UNC79: variants seen among roughly 807,000 people sequenced by gnomAD.
The protein encoded by UNC79 is protein unc-79 homolog.
A neutral mutation model predicts 283.1 loss-of-function variants in UNC79; 37 were observed. The observed-to-expected ratio is 0.13, with a 90% CI of 0.10 to 0.17. UNC79 has a LOEUF of 0.17. Among genes scored for constraint, UNC79 ranks in the 10% least tolerant of loss-of-function variants. The pLI, the probability that UNC79 is intolerant of heterozygous loss-of-function variation, is 1.00. For synonymous variants in UNC79, 1,107 were observed against 1,200.2 expected (o/e 0.92, Z 1.61); for missense variants, 2,272 against 3,211.1 (o/e 0.71, Z 7.07).
intron 5 of UNC79, among the ~76,000 whole-genome samples, chr14:93,492,856 C>T (rs2058799790): frequency 6.6e-6 from 1 of 152,082 alleles, no homozygotes; most frequent in African/African-American, 2.4e-5. Flanking sequence ...GGCTTAAGAC[C>T]AAATTTCCAA....
chr14:93,638,578 G>A (rs916523092), intron 32 of UNC79, among the ~76,000 whole-genome samples: 2 of 152,202 alleles, frequency 1.3e-5, no homozygotes, highest in Non-Finnish European at 2.9e-5. Flanking sequence ...GACTCGCAAA[G>A]GGACTTTTGT....
intron 1 of UNC79, among the ~76,000 whole-genome samples, chr14:93,381,116 C>T (rs2054656146): frequency 6.6e-6 from 1 of 152,114 alleles, no homozygotes; most frequent in African/African-American, 2.4e-5. Flanking sequence ...AGTTTTGGCC[C>T]AGACCCCAAG....
At chr14:93,655,436 A>C (rs779228176) in intron 38 of UNC79, 29 bp downstream of exon 41, 1 of 1,606,006 alleles carries the variant, frequency 6.2e-7, no homozygotes, top group Non-Finnish European at 8.5e-7. Context: ...TTCATTTTCA[A>C]TTAATTTCTT....
chr14:93,551,490 T>A (rs914970712), intron 14 of UNC79, among the ~76,000 whole-genome samples: 1 of 152,174 alleles, frequency 6.6e-6, no homozygotes, highest in African/African-American at 2.4e-5. Context: ...ATGGGTCACC[T>A]GCTGGTCTGG....
upstream of UNC79, among the ~76,000 whole-genome samples, chr14:93,429,678 A>T (rs1403345536): frequency 6.6e-6 from 1 of 152,254 alleles, no homozygotes; most frequent in Non-Finnish European, 1.5e-5. Flanking sequence ...CAGCATTAAA[A>T]GTCATTGTCA....
intron 7 of UNC79, among the ~76,000 whole-genome samples, chr14:93,523,046 T>C (rs2060394600): frequency 6.6e-6 from 1 of 152,200 alleles, no homozygotes; most frequent in Admixed American, 6.5e-5. Flanking sequence ...GTATTAAGAA[T>C]AGGCCAACAT....
chr14:93,347,227 A>G (rs1272552854), intron 1 of UNC79: 22 of 1,559,556 alleles, frequency 1.4e-5, no homozygotes, highest in Non-Finnish European at 1.9e-5. Context: ...GCCTCACCTC[A>G]CCTGTGCTGT....
At chr14:93,675,511 T>C (rs2073267674) in intron 41 of UNC79, among the ~76,000 whole-genome samples, 1 of 152,144 alleles carries the variant, frequency 6.6e-6, no homozygotes, top group African/African-American at 2.4e-5. Flanking sequence ...AGATGTGTAC[T>C]GAGTAAGGAA....
At chr14:93,534,907 A>G (rs10137559) in intron 11 of UNC79, among the ~76,000 whole-genome samples, 1 of 152,236 alleles carries the variant, frequency 6.6e-6, no homozygotes, top group African/African-American at 2.4e-5. Context: ...TTACACAGAC[A>G]TTAATTTGGA....
At chr14:93,423,062 C>CCAAAAAAAAAAAA (rs2055637191) in intron 1 of UNC79, among the ~76,000 whole-genome samples, 1 of 77,304 alleles carries the variant, frequency 1.3e-5, no homozygotes. Context: ...GACTCTGTCT[C>CCAAAAAAAAAAAA]AAAAAAAAAA....
intron 14 of UNC79, among the ~76,000 whole-genome samples, chr14:93,546,408 G>T (rs1188890535): frequency 6.6e-6 from 1 of 152,196 alleles, no homozygotes; most frequent in African/African-American, 2.4e-5. Context: ...TTTTGCAAAG[G>T]TGGTTTCATA....
At chr14:93,340,239 G>T (rs544607925) in intron 1 of UNC79, among the ~76,000 whole-genome samples, 1 of 152,120 alleles carries the variant, frequency 6.6e-6, no homozygotes, top group Non-Finnish European at 1.5e-5. Flanking sequence ...TCAGGAGATC[G>T]AGACCATCCT....
intron 38 of UNC79, among the ~76,000 whole-genome samples, chr14:93,658,709 C>T (rs1322940335): frequency 6.6e-6 from 1 of 152,078 alleles, no homozygotes; most frequent in Non-Finnish European, 1.5e-5. Context: ...GAAACTGGTT[C>T]TTATGTGGAT....
At chr14:93,618,466 A>AT in intron 29 of UNC79, 112 bp downstream of exon 30, 1 of 1,208,478 alleles carries the variant, frequency 8.3e-7, no homozygotes, top group Admixed American at 3.7e-5. Flanking sequence ...GAGTAAAAAA[A>AT]AAAATCACTT....
At chr14:93,419,209 C>T (rs2055536514) in intron 1 of UNC79, among the ~76,000 whole-genome samples, 2 of 150,176 alleles carry the variant, frequency 1.3e-5, no homozygotes, top group South Asian at 2.2e-4. Context: ...CATTCTGTCA[C>T]CCAGGCTGGA....
intron 1 of UNC79, among the ~76,000 whole-genome samples, chr14:93,458,972 C>T (rs1195610012): frequency 2.0e-5 from 3 of 152,188 alleles, no homozygotes; most frequent in African/African-American, 7.2e-5. Flanking sequence ...ATATAACATG[C>T]TCTGGGTAGT....
chr14:93,452,596 A>G (rs1228550162), intron 1 of UNC79, among the ~76,000 whole-genome samples: 1 of 151,920 alleles, frequency 6.6e-6, no homozygotes, highest in Admixed American at 6.6e-5. Flanking sequence ...GCCATGTTGG[A>G]CAGACTGGTC....
At chr14:93,422,661 T>C (rs1279472444) in intron 1 of UNC79, among the ~76,000 whole-genome samples, 1 of 152,166 alleles carries the variant, frequency 6.6e-6, no homozygotes, top group African/African-American at 2.4e-5. Flanking sequence ...TAAACAATGT[T>C]ATATTAAAAA....
At position 93,451,844 on chromosome 14, in the gene UNC79, G is replaced by A. The variant is rs1015409972; in HGVS notation, c.23-15827G>A. 2.0e-5 allele frequency among the ~76,000 whole-genome samples: 3 copies of A among 152,162 alleles called. No individual in the cohort carries two copies. In the South Asian group the frequency reaches 6.2e-4, roughly 32 times the overall value. On this transcript the variant is annotated intron_variant, in intron 1 of 48. Coordinates refer to ENST00000555664, the Ensembl canonical transcript of UNC79. ...TAGCACTGCTGCTGGCCTGGGATTT[G>A]ACTTTCTCTGGTCTGCCAAGTCAAC...
Sources: gnomAD v4.1 joint callset for allele counts (sites outside exome capture counted in the v4.1 genomes callset) on GRCh38, gnomAD v4.1.1 for gene constraint, MANE v1.5 for transcripts, NCBI Gene and HGNC (gene_info 2026-07-23, HGNC 2026-07-21) for gene names.